The following COL4A1 variants were observed in gnomAD, a reference collection of about 807,000 sequenced individuals.
COL4A1 encodes collagen alpha-1(IV) chain.
A neutral mutation model predicts 216.6 loss-of-function variants in COL4A1; 40 were observed. The ratio of observed to expected loss-of-function variants is 0.18; its 90% CI spans 0.14 to 0.24. COL4A1 has a LOEUF of 0.24. Among genes scored for constraint, COL4A1 ranks in the 10% least tolerant of loss-of-function variants. The probability of loss-of-function intolerance (pLI) is 1.00; values close to 1 mark genes in which losing one functional copy is unlikely to be tolerated. For synonymous variants in COL4A1, 839 were observed against 810.7 expected, an observed-to-expected ratio of 1.03 and a Z score of -0.59; for missense variants, 1,628 against 2,196.8, an observed-to-expected ratio of 0.74 and a Z score of 5.18.
chr13:110,164,714 G>T, intron 46 of COL4A1, 148 bp downstream of exon 46: 1 of 1,203,932 alleles, frequency 8.3e-7, no homozygotes, highest in Non-Finnish European at 1.1e-6. Flanking sequence ...GTTTTGATAT[G>T]CATTGAAGGG....
Position 110,212,558 on chromosome 13 carries a change from C to G in COL4A1, c.324+16G>C. ...AATATTTCATAAAAGAAGTAGAGCA[C>G]GTTTTCTATACATACGGGAAGTCCT... On this transcript the variant is annotated intron_variant, in intron 5 of 51. Transcript: ENST00000375820. 1 of 1,614,144 alleles carries G rather than the reference C, an allele frequency of 6.2e-7. No individual in the cohort carries two copies. Among genetic ancestry groups the G allele is most frequent in the South Asian group, 1.1e-5 (1 of 91,082 alleles).
At chr13:110,209,525 A>T (rs1440886180) in intron 10 of COL4A1, 98 bp from the exon 11 acceptor site, 1 of 904,388 alleles carries the variant, frequency 1.1e-6, no homozygotes, top group African/African-American at 1.7e-5. Flanking sequence ...TCTGGTCAAC[A>T]TGATAATTTA....
intron 42 of COL4A1, among the ~76,000 whole-genome samples, chr13:110,170,078 G>A (rs1191706952): frequency 7.1e-6 from 1 of 140,912 alleles, no homozygotes; most frequent in African/African-American, 2.7e-5. Context: ...GAGGGGAGGG[G>A]AGGGGAAGGA....
intron 10 of COL4A1, chr13:110,209,694 G>A: frequency 1.5e-6 from 1 of 668,826 alleles, no homozygotes; most frequent in Non-Finnish European, 2.7e-6. Flanking sequence ...CACTCCCACA[G>A]GCTGTGACTA....
intron 1 of COL4A1, among the ~76,000 whole-genome samples, chr13:110,301,250 C>T (rs1315630158): frequency 1.3e-5 from 2 of 152,200 alleles, no homozygotes; most frequent in South Asian, 2.1e-4. Context: ...GGGGAGGGGG[C>T]TCCCAAGAGA....
intron 1 of COL4A1, among the ~76,000 whole-genome samples, chr13:110,280,527 AGAATCTT>A (rs1883589769): frequency 1.3e-5 from 2 of 152,264 alleles, no homozygotes; most frequent in Non-Finnish European, 2.9e-5. Context: ...TGAATTATAT[AGAATCTT>A]CAAGTTCTTG....
chr13:110,261,651 C>T (rs9521677), intron 1 of COL4A1, among the ~76,000 whole-genome samples: 29,432 of 152,246 alleles, frequency 0.19, 3,426 homozygotes, highest in Admixed American at 0.27. Context: ...GGGAACCGCA[C>T]CCAAGGGGAA....
intron 39 of COL4A1, 58 bp from the exon 40 acceptor site, chr13:110,174,056 C>A: frequency 6.3e-7 from 1 of 1,583,398 alleles, no homozygotes; most frequent in South Asian, 1.1e-5. Context: ...CCCTAGCTGC[C>A]ATACAAAATG....
intron 40 of COL4A1, 137 bp from the exon 41 acceptor site, chr13:110,172,907 G>A: frequency 1.3e-6 from 1 of 752,012 alleles, no homozygotes; most frequent in East Asian, 2.6e-5. Flanking sequence ...TTGCACCCTT[G>A]TAATAAAATG....
chr13:110,219,870 G>A (rs201032735), intron 2 of COL4A1, among the ~76,000 whole-genome samples: 62,301 of 102,368 alleles, frequency 0.61, 18,655 homozygotes, highest in Non-Finnish European at 0.65. Context: ...ATATGTGTGT[G>A]TATATATGTA....
chr13:110,222,478 T>G (rs562582739), intron 2 of COL4A1, among the ~76,000 whole-genome samples: 1 of 151,790 alleles, frequency 6.6e-6, no homozygotes, highest in South Asian at 2.1e-4. Context: ...CCTTAAAGAA[T>G]TAAGGCTTTT....
intron 29 of COL4A1, 45 bp downstream of exon 29, chr13:110,181,247 C>T (rs374756928): frequency 1.9e-6 from 3 of 1,575,812 alleles, no homozygotes; most frequent in East Asian, 2.2e-5. Flanking sequence ...CAACTAATAA[C>T]AAGGATGGGG....
intron 42 of COL4A1, among the ~76,000 whole-genome samples, chr13:110,170,121 G>GGAAGGAAGGAAA (rs1491256919): frequency 1.3e-3 from 31 of 23,284 alleles, no homozygotes; most frequent in Admixed American, 7.4e-3. Context: ...AAAGAAGGAA[G>GGAAGGAAGGAAA]GAAGGAAGGA....
chr13:110,205,582 A>C, intron 15 of COL4A1, 44 bp from the exon 16 acceptor site: 3 of 1,605,436 alleles, frequency 1.9e-6, no homozygotes, highest in Non-Finnish European at 2.6e-6. Flanking sequence ...TAAATAATAG[A>C]CTGCGCGCGG....
chr13:110,283,010 C>T (rs1267344901), intron 1 of COL4A1, among the ~76,000 whole-genome samples: 2 of 152,294 alleles, frequency 1.3e-5, no homozygotes, highest in African/African-American at 4.8e-5. Flanking sequence ...CCTGGGGCCT[C>T]ACCTCCAAGC....
chr13:110,261,953 C>A (rs575572571), intron 1 of COL4A1, among the ~76,000 whole-genome samples: 188 of 152,312 alleles, frequency 1.2e-3, no homozygotes, highest in Admixed American at 0.012. Flanking sequence ...GGGCACAGGG[C>A]AGGTGGGTCC....
At chr13:110,219,800 G>GTA (rs1358506212) in intron 2 of COL4A1, among the ~76,000 whole-genome samples, 3 of 132,618 alleles carry the variant, frequency 2.3e-5, no homozygotes, top group African/African-American at 2.8e-5. Context: ...GTGTATATAT[G>GTA]TATATATGTG....
At chr13:110,273,768 G>A (rs983438043) in intron 1 of COL4A1, among the ~76,000 whole-genome samples, 5 of 152,186 alleles carry the variant, frequency 3.3e-5, no homozygotes, top group African/African-American at 1.2e-4. Flanking sequence ...CATCAGTGCT[G>A]CACAGATGTG....
chr13:110,277,573 G>C (rs925069049), intron 1 of COL4A1, among the ~76,000 whole-genome samples: 21 of 150,658 alleles, frequency 1.4e-4, no homozygotes, highest in Non-Finnish European at 2.5e-4. Context: ...CAAATCTCTC[G>C]GAACTGCTGT....
Sources: allele counts gnomAD v4.1 joint callset (sites outside exome capture counted in the v4.1 genomes callset), GRCh38; gene constraint gnomAD v4.1.1; transcripts MANE v1.5; gene names NCBI Gene and HGNC (gene_info 2026-07-23, HGNC 2026-07-21).